The following WNT2B variants were observed in gnomAD, a reference collection of about 807,000 sequenced individuals.
The protein encoded by WNT2B is protein Wnt-2b.
WNT2B carries 19 observed loss-of-function variants against 40.5 expected under a neutral mutation model. That is an observed-to-expected ratio of 0.47 (90% CI 0.33 to 0.69). The LOEUF (loss-of-function observed/expected upper bound fraction) is 0.69. Among genes scored for constraint, WNT2B ranks in the 30% least tolerant of loss-of-function variants. The pLI is 0.02. For synonymous variants in WNT2B, 220 were observed against 211.9 expected (o/e 1.04, Z -0.33); for missense variants, 467 against 556.4 (o/e 0.84, Z 1.62).
intron 1 of WNT2B, among the ~76,000 whole-genome samples, chr1:112,477,551 C>T (rs2101052750): frequency 6.6e-6 from 1 of 152,250 alleles, no homozygotes; most frequent in Admixed American, 6.5e-5. Flanking sequence ...AAATAGAGAT[C>T]TATGAACTAC....
At position 112,487,933 on chromosome 1, in the gene WNT2B, C is replaced by CA. The variant is rs59297238; in HGVS notation, c.-95+20368dup. Among the ~76,000 whole-genome samples, 256 of 68,196 alleles carry CA rather than the reference C, an allele frequency of 3.8e-3. 4 individuals carry two copies. The highest frequency in any genetic ancestry group is 0.011 in the African/African-American group (162 of 14,896). 44.7% of individuals were successfully genotyped at this position (68,196 alleles called of 152,430 possible). ...TGGGTGACACAGAGAGGCTCTGACT[C>CA]AAAAAAAAAAAAAAAAAAAAAAAAA... is the stretch of plus-strand genomic sequence containing the variant. On this transcript the variant is annotated intron_variant, in intron 1 of 4. Coordinates refer to the WNT2B transcript ENST00000256640.
chr1:112,514,720 G>A (rs1184304555), intron 1 of WNT2B, 154 bp from the exon 2 acceptor site: 26 of 694,794 alleles, frequency 3.7e-5, no homozygotes, highest in Admixed American at 3.7e-4. Flanking sequence ...AGAACTGTGG[G>A]AAATGGTTCT....
At chr1:112,484,140 T>C (rs911183056) in intron 1 of WNT2B, among the ~76,000 whole-genome samples, 94 of 110,930 alleles carry the variant, frequency 8.5e-4, no homozygotes, top group African/African-American at 2.3e-3. Context: ...TTAACAATTT[T>C]ATATAATAAT....
chr1:112,502,525 C>G (rs1570783183), intron 1 of WNT2B, among the ~76,000 whole-genome samples: 1 of 152,338 alleles, frequency 6.6e-6, no homozygotes, highest in East Asian at 1.9e-4. Context: ...CAAGAGAGAC[C>G]TCTCCAAAGG....
At chr1:112,500,558 C>T (rs1412750431) in intron 1 of WNT2B, among the ~76,000 whole-genome samples, 1 of 151,934 alleles carries the variant, frequency 6.6e-6, no homozygotes, top group Non-Finnish European at 1.5e-5. Flanking sequence ...TTGCTTTAGC[C>T]CAGGAGTTCA....
chr1:112,487,885 G>C (rs937543120), intron 1 of WNT2B, among the ~76,000 whole-genome samples: 1 of 138,458 alleles, frequency 7.2e-6, no homozygotes, highest in Non-Finnish European at 1.5e-5. Context: ...AATGAGCCGA[G>C]ATTGCGCCAC....
Position 112,518,418 on chromosome 1 carries a change from TG to T in WNT2B, c.946+1035del, listed in dbSNP as rs1254699160. On this transcript the variant is annotated intron_variant, in intron 4 of 4. Coordinates refer to ENST00000369684, the MANE Select transcript of WNT2B (RefSeq NM_024494.3). ...TGTTTTCACCCATCACTGTCATTCC[TG>T]GAAGAGTCAAGTGGCTTGGAGTAAA... 2.0e-5 allele frequency: 3 copies of T among 152,368 alleles called. No individual in the cohort carries two copies. The East Asian group carries it at 5.8e-4, about 29-fold the overall frequency. 9.4% of individuals were successfully genotyped at this position (152,368 alleles called of 1,614,324 possible). A position where few individuals can be genotyped will look rare whatever the true frequency, so the allele number is the denominator to read the frequency against.
At chr1:112,488,907 C>G (rs1444898738) in intron 1 of WNT2B, among the ~76,000 whole-genome samples, 1 of 151,958 alleles carries the variant, frequency 6.6e-6, no homozygotes, top group Non-Finnish European at 1.5e-5. Flanking sequence ...CCAGGCTGGT[C>G]TCCAACTTCT....
chr1:112,502,095 A>AGGCCT (rs1651972531), intron 1 of WNT2B, among the ~76,000 whole-genome samples: 1 of 152,204 alleles, frequency 6.6e-6, no homozygotes, highest in South Asian at 2.1e-4. Flanking sequence ...GGCCCTGGCC[A>AGGCCT]GGCCTGGCCT....
chr1:112,490,098 A>C (rs1651549377), intron 1 of WNT2B, among the ~76,000 whole-genome samples: 1 of 151,036 alleles, frequency 6.6e-6, no homozygotes, highest in African/African-American at 2.4e-5. Flanking sequence ...GGAAGGAATA[A>C]GAGTGGGAAA....
In WNT2B at chr1:112,509,524, G is replaced by C. The variant is rs1652269284; in HGVS notation, c.182+80G>C. On this transcript the variant is annotated intron_variant, in intron 1 of 4. Coordinates refer to ENST00000369684, the MANE Select transcript of WNT2B (RefSeq NM_024494.3). The surrounding 1 kb of genome is among the most constrained non-coding windows in gnomAD (Gnocchi z 4.2). ...GCGCCTGGAGGGACTGGCTGCTCACGGGACCAGGCTGTTGCTTCGACGGGT... is the reference window on the plus strand; with the variant it reads ...GCGCCTGGAGGGACTGGCTGCTCACCGGACCAGGCTGTTGCTTCGACGGGT... The C allele has an allele frequency of 6.9e-6, 10 of 1,444,332 alleles. No homozygotes were observed. Among genetic ancestry groups the C allele is most frequent in the South Asian group, 1.4e-5 (1 of 71,716 alleles). 89.5% of individuals were successfully genotyped at this position (1,444,332 alleles called of 1,614,324 possible).
intron 1 of WNT2B, among the ~76,000 whole-genome samples, chr1:112,481,125 C>T (rs984684562): frequency 3.3e-5 from 5 of 151,252 alleles, no homozygotes; most frequent in East Asian, 3.9e-4. Flanking sequence ...GCCGAGATCG[C>T]GCCACTGCAC....
At chr1:112,511,838 A>G (rs976687563) in intron 1 of WNT2B, among the ~76,000 whole-genome samples, 7 of 152,244 alleles carry the variant, frequency 4.6e-5, no homozygotes, top group African/African-American at 1.7e-4. Context: ...GTTGCTTTTA[A>G]TAAGCCCTTA....
chr1:112,484,974 T>C (rs942376407), intron 1 of WNT2B, among the ~76,000 whole-genome samples: 2 of 152,156 alleles, frequency 1.3e-5, no homozygotes, highest in African/African-American at 4.8e-5. Flanking sequence ...AATTCAGTGC[T>C]CTCCAAATAA....
chr1:112,516,709 G>C (rs571216433), intron 3 of WNT2B, among the ~76,000 whole-genome samples: 3 of 152,298 alleles, frequency 2.0e-5, no homozygotes, highest in Admixed American at 1.3e-4. Context: ...AGGATAAGAG[G>C]TTGTTCTAGT....
chr1:112,506,378 C>T (rs1350015319), upstream of WNT2B, among the ~76,000 whole-genome samples: 1 of 152,178 alleles, frequency 6.6e-6, no homozygotes, highest in East Asian at 1.9e-4. Context: ...CAGCTCAGGC[C>T]AAAGAAGGGG....
chr1:112,493,670 A>G (rs1283060024), intron 1 of WNT2B, among the ~76,000 whole-genome samples: 3 of 152,126 alleles, frequency 2.0e-5, no homozygotes, highest in African/African-American at 7.2e-5. Flanking sequence ...AAAAGACTAG[A>G]AAGAAGAAAA....
chr1:112,517,534 G>A lies in WNT2B; in HGVS notation c.946+149G>A, dbSNP rs567433643. The A allele has an allele frequency of 1.8e-4, 193 of 1,080,870 alleles. No homozygotes were observed. In the African/African-American group the frequency reaches 2.8e-3, roughly 16 times the overall value. 67.0% of individuals were successfully genotyped at this position (1,080,870 alleles called of 1,614,324 possible). ...TCTCCACATGAACACCTGGTCATGA[G>A]ATTGTTGCAGTCCACCAGGCCCAGT... On this transcript the variant is annotated intron_variant, in intron 4 of 4. Transcript: ENST00000369684.
At chr1:112,486,175 G>A (rs900579680) in intron 1 of WNT2B, among the ~76,000 whole-genome samples, 22 of 110,346 alleles carry the variant, frequency 2.0e-4, no homozygotes, top group African/African-American at 8.6e-4. Flanking sequence ...GGGTGCTGTG[G>A]CTCATGCCTG....
Sources: gnomAD v4.1 joint callset for allele counts (sites outside exome capture counted in the v4.1 genomes callset) on GRCh38, gnomAD v4.1.1 for gene constraint, Gnocchi (gnomAD v3.1) non-coding constraint, MANE v1.5 for transcripts, NCBI Gene and HGNC (gene_info 2026-07-23, HGNC 2026-07-21) for gene names.